HELT: variants seen among roughly 807,000 people sequenced by gnomAD.
The protein encoded by HELT is helt bHLH transcription factor.
In HELT, 9 loss-of-function variants were observed where a neutral mutation model predicts 19.5. The ratio of observed to expected loss-of-function variants is 0.46; its 90% CI spans 0.28 to 0.80. HELT has a LOEUF of 0.80. HELT is among the 30% of genes least tolerant of loss of function. The pLI is 0.12. For missense variants in HELT, 366 were observed against 326.3 expected, an observed-to-expected ratio of 1.12 and a Z score of -0.94; for synonymous variants, 162 against 148.3, an observed-to-expected ratio of 1.09 and a Z score of -0.67.
chr4:185,019,211 G>C (rs1164040810), intron 1 of HELT, 176 bp from the exon 2 acceptor site: 2 of 1,321,814 alleles, frequency 1.5e-6, no homozygotes, highest in South Asian at 1.5e-5. Flanking sequence ...GCGCCAGCGC[G>C]GGCGTCAGAA....
chr4:185,020,599 C>T lies in HELT; in HGVS notation c.556C>T (p.Pro186Ser). 6 of 1,596,128 alleles carry T rather than the reference C, an allele frequency of 3.8e-6. No individual in the cohort carries two copies. Among genetic ancestry groups the T allele is most frequent in the Non-Finnish European group, 5.1e-6 (6 of 1,175,860 alleles). ...CTGGCCGCCTGGCGCGGCCCGCAGCCCCGCGCTGCCCTACCTGCCCAGCGC... is the reference window on the plus strand; with the variant it reads ...CTGGCCGCCTGGCGCGGCCCGCAGCTCCGCGCTGCCCTACCTGCCCAGCGC... ...FPWPPGAARS[P>S]ALPYLPSAPV... The change falls in exon 4 of 4, where the codon CCC becomes TCC. Residue 186 changes from proline (P) to serine (S), a missense_variant. By Grantham distance (74) the Pro-to-Ser change is moderately conservative. Transcript: ENST00000515777.
In HELT at chr4:185,020,597, G is replaced by A. The variant is rs765002982; in HGVS notation, c.554G>A (p.Ser185Asn). Reference sequence around the variant, plus strand: ...CCCTGGCCGCCTGGCGCGGCCCGCAGCCCCGCGCTGCCCTACCTGCCCAGC... The same window carrying A: ...CCCTGGCCGCCTGGCGCGGCCCGCAACCCCGCGCTGCCCTACCTGCCCAGC... ...PFPWPPGAAR[S>N]PALPYLPSAP... Residue 185 changes from serine to asparagine, a missense_variant, in exon 4 of 4, where the codon AGC becomes AAC. Ser to Asn is a conservative substitution (Grantham distance 46, BLOSUM62 1). Transcript: ENST00000515777. The A allele has an allele frequency of 6.3e-7, 1 of 1,595,174 alleles. No homozygotes were observed. Among genetic ancestry groups the A allele is most frequent in the Non-Finnish European group, 8.5e-7 (1 of 1,175,436 alleles).
intron 3 of HELT, among the ~76,000 whole-genome samples, chr4:185,020,067 T>A (rs1323684109): frequency 7.8e-5 from 2 of 25,508 alleles, no homozygotes; most frequent in South Asian, 1.5e-3. Context: ...TTCTCCCGGG[T>A]GGGGTGGGTG....
intron 2 of HELT, 21 bp downstream of exon 2, chr4:185,019,512 C>G: frequency 1.3e-6 from 2 of 1,589,778 alleles, no homozygotes; most frequent in South Asian, 1.1e-5. Context: ...CGACCCGGAG[C>G]CGGGTGCCAG....
Position 185,019,762 on chromosome 4 carries a change from G to A in HELT, c.148G>A (p.Glu50Lys), listed in dbSNP as rs192189744. 1 of 1,613,652 alleles carries A rather than the reference G, an allele frequency of 6.2e-7. No individual in the cohort carries two copies. Among genetic ancestry groups the A allele is most frequent in the African/African-American group, 1.3e-5 (1 of 75,070 alleles). Residue 50 changes from glutamate to lysine, a missense_variant, in exon 3 of 4, where the codon GAG (glutamate) becomes AAG (lysine). Glu to Lys is a moderately conservative substitution (Grantham distance 56). Coordinates refer to ENST00000515777, the MANE Select transcript of HELT (RefSeq NM_001300781.2). ...CCTTTTGCAGAGTTCCGGGAAGCTG[G>A]AGAAGGCGGAGATCCTCGAGATGAC... ...ALAKQSSGKL[E>K]KAEILEMTVQ...
In HELT at chr4:185,020,333, AC is replaced by A. The variant is rs1238106100; in HGVS notation, c.292del (p.Leu98TrpfsTer112). 1 of 1,614,098 alleles carries A rather than the reference AC, an allele frequency of 6.2e-7. No individual in the cohort carries two copies. Among genetic ancestry groups the A allele is most frequent in the Non-Finnish European group, 8.5e-7 (1 of 1,180,040 alleles). On this transcript the variant is annotated frameshift_variant, in exon 4 of 4. Coordinates refer to ENST00000515777, the MANE Select transcript of HELT (RefSeq NM_001300781.2). LOFTEE classifies it high-confidence loss of function. ...TATGGCTACCACGAGTGCATGAAGAACCTGGTGCATTACCTCACCACGGTGG... is the reference window on the plus strand; with the variant it reads ...TATGGCTACCACGAGTGCATGAAGAACTGGTGCATTACCTCACCACGGTGG... The part of the protein sequence containing the change: ...FHYGYHECMK[N>X]LVHYLTTVER...
At chr4:185,019,889 C>G in intron 3 of HELT, 46 bp downstream of exon 3, 1 of 1,532,512 alleles carries the variant, frequency 6.5e-7, no homozygotes, top group African/African-American at 1.4e-5. Context: ...GGCGCCTGCG[C>G]CACCCAGAGA....
intron 2 of HELT, 52 bp from the exon 3 acceptor site, chr4:185,019,695 G>A: frequency 6.2e-7 from 1 of 1,611,698 alleles, no homozygotes; most frequent in Non-Finnish European, 8.5e-7. Flanking sequence ...GCGCCACAGT[G>A]CCCGACCAGC....
intron 3 of HELT, 71 bp downstream of exon 3, chr4:185,019,914 G>A: frequency 1.5e-6 from 2 of 1,375,936 alleles, no homozygotes; most frequent in Non-Finnish European, 2.0e-6. Flanking sequence ...GGGGCTGGGA[G>A]GGGAGTGACT....
intron 3 of HELT, 137 bp from the exon 4 acceptor site, chr4:185,020,136 C>A (rs1734024816): frequency 7.8e-7 from 1 of 1,283,746 alleles, no homozygotes; most frequent in Non-Finnish European, 1.1e-6. Context: ...TCTAAGACTG[C>A]GCAGAGGAGA....
chr4:185,019,335 T>C, intron 1 of HELT, 52 bp from the exon 2 acceptor site: 1 of 1,483,464 alleles, frequency 6.7e-7, no homozygotes, highest in Non-Finnish European at 9.3e-7. Flanking sequence ...AGCCGCGCCT[T>C]TGACGACTTC....
In HELT at chr4:185,018,699, C is replaced by T. The variant is rs1250444164; in HGVS notation, c.-230C>T. 1.0e-5 allele frequency: 4 copies of T among 387,650 alleles called. No homozygotes were observed. The highest frequency in any genetic ancestry group is 1.8e-5 in the Non-Finnish European group (4 of 221,406). The allele number at this position is 387,650 out of a possible 1,614,324, so 24.0% of individuals were successfully genotyped here. A position where few individuals can be genotyped will look rare whatever the true frequency, so the allele number is the denominator to read the frequency against. ...GCTGCTAATTTTTTTTTTTTCTTAACTTCTTTAAAACTGATCTTGAATGCA... is the reference window on the plus strand; with the variant it reads ...GCTGCTAATTTTTTTTTTTTCTTAATTTCTTTAAAACTGATCTTGAATGCA... On this transcript the variant is annotated 5_prime_UTR_variant, in exon 1 of 4. Transcript: ENST00000515777.
chr4:185,020,287 G>C lies in HELT; in HGVS notation c.244G>C (p.Glu82Gln). The C allele has an allele frequency of 6.2e-7, 1 of 1,613,630 alleles. No individual in the cohort carries two copies. Among genetic ancestry groups the C allele is most frequent in the Non-Finnish European group, 8.5e-7 (1 of 1,179,608 alleles). Residue 82 changes from glutamate (E) to glutamine (Q), a missense_variant, in exon 4 of 4, where the codon GAG becomes CAG. Physicochemically the swap from Glu to Gln is conservative, Grantham distance 29. Coordinates refer to ENST00000515777, the MANE Select transcript of HELT (RefSeq NM_001300781.2). Reference sequence around the variant, plus strand: ...CGTTCCTCCAGCAGAACTTCTAGCGGAGTTTGCCAACTACTTCCACTATGG... The same window carrying C: ...CGTTCCTCCAGCAGAACTTCTAGCGCAGTTTGCCAACTACTTCCACTATGG... ...RGREKAELLA[E>Q]FANYFHYGYH...
chr4:185,019,212 G>C, intron 1 of HELT, 175 bp from the exon 2 acceptor site: 1 of 1,289,496 alleles, frequency 7.8e-7, no homozygotes, highest in Non-Finnish European at 1.1e-6. Context: ...CGCCAGCGCG[G>C]GCGTCAGAAG....
chr4:185,018,884 G>T lies in HELT; in HGVS notation c.-45G>T. ...GGCACACGAGGCGGAAAAGTGGACG[G>T]GTGCCCCGCGCCACCGCCTCTCCCG... is the stretch of plus-strand genomic sequence containing the variant. On this transcript the variant is annotated 5_prime_UTR_variant, in exon 1 of 4. Transcript: ENST00000515777. 1 of 1,545,180 alleles carries T rather than the reference G, an allele frequency of 6.5e-7. No homozygotes were observed. The highest frequency in any genetic ancestry group is 1.2e-5 in the South Asian group (1 of 80,668).
chr4:185,018,797 G>T lies in HELT; in HGVS notation c.-132G>T. 1 of 865,520 alleles carries T rather than the reference G, an allele frequency of 1.2e-6. No homozygotes were observed. The highest frequency in any genetic ancestry group is 1.9e-5 in the South Asian group (1 of 53,094). 53.6% of individuals were successfully genotyped at this position (865,520 alleles called of 1,614,324 possible). On this transcript the variant is annotated 5_prime_UTR_variant, in exon 1 of 4. It removes an upstream start codon present in the reference 5' UTR. Coordinates refer to ENST00000515777, the MANE Select transcript of HELT (RefSeq NM_001300781.2). ...CGTGAATGCATCTGGAGCCCTAGATGACCGCTTTATAAGGCAGCCCTCGGA... is the reference window on the plus strand; with the variant it reads ...CGTGAATGCATCTGGAGCCCTAGATTACCGCTTTATAAGGCAGCCCTCGGA...
chr4:185,020,151 G>T (rs923920294), intron 3 of HELT, 122 bp from the exon 4 acceptor site: 2 of 1,385,994 alleles, frequency 1.4e-6, no homozygotes, highest in Non-Finnish European at 9.9e-7. Flanking sequence ...AGGAGAGGGC[G>T]GGCCTCAAAT....
In HELT at chr4:185,018,842, C is replaced by T; in HGVS notation, c.-87C>T. 2 of 1,431,350 alleles carry T rather than the reference C, an allele frequency of 1.4e-6. No individual in the cohort carries two copies. Among genetic ancestry groups the T allele is most frequent in the Non-Finnish European group, 1.9e-6 (2 of 1,047,880 alleles). 88.7% of individuals were successfully genotyped at this position (1,431,350 alleles called of 1,614,324 possible). ...CTCGGAGTTGGGAGGCTGCAGTCTA[C>T]CTGGGACACTCGAGGAGGCACACGA... On this transcript the variant is annotated 5_prime_UTR_variant, in exon 1 of 4. Coordinates refer to ENST00000515777, the MANE Select transcript of HELT (RefSeq NM_001300781.2).
At position 185,019,374 on chromosome 4, in the gene HELT, C is replaced by T. The variant is rs751469280; in HGVS notation, c.28-13C>T. On this transcript the variant is annotated splice_polypyrimidine_tract_variant and intron_variant, in intron 1 of 3. Coordinates refer to ENST00000515777, the MANE Select transcript of HELT (RefSeq NM_001300781.2). ...GGCAAAGCCATCCTAAACATACAAC[C>T]CTCTCTTCGCAGAGAACCCCCGTTT... 2 of 1,596,514 alleles carry T rather than the reference C, an allele frequency of 1.3e-6. No individual in the cohort carries two copies. The highest frequency in any genetic ancestry group is 1.7e-6 in the Non-Finnish European group (2 of 1,168,012).
Sources: allele counts gnomAD v4.1 joint callset (sites outside exome capture counted in the v4.1 genomes callset), GRCh38; gene constraint gnomAD v4.1.1; transcripts MANE v1.5; gene names NCBI Gene and HGNC (gene_info 2026-07-23, HGNC 2026-07-21).